The following KLHL1 variants were observed in gnomAD, a reference collection of about 807,000 sequenced individuals.
The protein encoded by KLHL1 is kelch-like protein 1.
KLHL1 carries 47 observed loss-of-function variants against 77.7 expected under a neutral mutation model. That is an observed-to-expected ratio of 0.60 (90% confidence interval 0.48 to 0.77). The LOEUF is 0.77. KLHL1 is among the 30% of genes least tolerant of loss of function. KLHL1 has a pLI of 0.00. For missense variants in KLHL1, 925 were observed against 910.8 expected (o/e 1.02, Z -0.20); for synonymous variants, 360 against 325.2 (o/e 1.11, Z -1.15).
intron 5 of KLHL1, among the ~76,000 whole-genome samples, chr13:69,880,668 C>T (rs1880953819): frequency 1.3e-5 from 2 of 152,092 alleles, no homozygotes; most frequent in Non-Finnish European, 2.9e-5. Flanking sequence ...ATGACATGCA[C>T]AGGTGGCAGC....
At chr13:69,754,966 A>G (rs566902679) in intron 7 of KLHL1, among the ~76,000 whole-genome samples, 14 of 152,204 alleles carry the variant, frequency 9.2e-5, no homozygotes, top group African/African-American at 3.1e-4. Flanking sequence ...TTCTTCCTGC[A>G]TCTATGACCC....
At chr13:69,903,372 G>A (rs116178158) in intron 4 of KLHL1, among the ~76,000 whole-genome samples, 220 of 152,134 alleles carry the variant, frequency 1.4e-3, no homozygotes, top group African/African-American at 4.5e-3. Context: ...CCACCAGAGC[G>A]CATCTGCCCC....
intron 1 of KLHL1, among the ~76,000 whole-genome samples, chr13:70,073,979 C>A (rs1300842097): frequency 6.6e-6 from 1 of 151,884 alleles, no homozygotes; most frequent in East Asian, 1.9e-4. Flanking sequence ...GCATGAGAAA[C>A]CACACCCGGC....
chr13:69,732,487 G>A (rs568949214), intron 8 of KLHL1, among the ~76,000 whole-genome samples: 1 of 152,060 alleles, frequency 6.6e-6, no homozygotes, highest in African/African-American at 2.4e-5. Context: ...TTGTCTCTCA[G>A]GTCTACATCC....
chr13:69,770,510 ATTTT>A (rs915908257), intron 7 of KLHL1, among the ~76,000 whole-genome samples: 1 of 152,108 alleles, frequency 6.6e-6, no homozygotes, highest in Non-Finnish European at 1.5e-5. Flanking sequence ...TATTTTTTAA[ATTTT>A]TTTGTTGAAA....
At chr13:70,009,546 C>T (rs961641777) in intron 1 of KLHL1, among the ~76,000 whole-genome samples, 2 of 152,076 alleles carry the variant, frequency 1.3e-5, no homozygotes, top group South Asian at 2.1e-4. Flanking sequence ...TATTCTACTA[C>T]CTTCCAGCGA....
intron 5 of KLHL1, among the ~76,000 whole-genome samples, chr13:69,854,387 C>A (rs1051117949): frequency 6.6e-6 from 1 of 151,892 alleles, no homozygotes; most frequent in African/African-American, 2.4e-5. Flanking sequence ...TAACATCCAG[C>A]TCTCCCAGGA....
At chr13:69,770,046 G>A (rs894314206) in intron 7 of KLHL1, among the ~76,000 whole-genome samples, 2 of 152,170 alleles carry the variant, frequency 1.3e-5, no homozygotes, top group African/African-American at 2.4e-5. Flanking sequence ...ACTGTGAACA[G>A]TGGGAATGAG....
At chr13:69,748,535 C>T (rs928266676) in intron 7 of KLHL1, among the ~76,000 whole-genome samples, 4 of 151,982 alleles carry the variant, frequency 2.6e-5, no homozygotes, top group African/African-American at 9.7e-5. Flanking sequence ...CCTCCCATAA[C>T]ATGTGAGAAT....
At chr13:69,735,379 A>G (rs1009689260) in intron 8 of KLHL1, among the ~76,000 whole-genome samples, 37 of 151,312 alleles carry the variant, frequency 2.4e-4, no homozygotes, top group African/African-American at 8.9e-4. Flanking sequence ...ACAACACAAT[A>G]AAAAGGAAAT....
chr13:69,841,941 GGACACC>G (rs1310375050), intron 5 of KLHL1, among the ~76,000 whole-genome samples: 1 of 151,806 alleles, frequency 6.6e-6, no homozygotes, highest in East Asian at 1.9e-4. Flanking sequence ...ACTTGGGAAA[GGACACC>G]CTCTTCAATA....
At chr13:69,977,792 AAAC>A (rs1884589119) in intron 1 of KLHL1, among the ~76,000 whole-genome samples, 1 of 152,280 alleles carries the variant, frequency 6.6e-6, no homozygotes, top group Admixed American at 6.5e-5. Flanking sequence ...AGTAAAGTGT[AAAC>A]AACAACAAAA....
chr13:69,983,576 C>CAAA (rs1282357751), intron 1 of KLHL1, among the ~76,000 whole-genome samples: 7 of 39,578 alleles, frequency 1.8e-4, no homozygotes, highest in South Asian at 9.1e-4. Flanking sequence ...CCTATCTTTA[C>CAAA]AAAAAAAAAA....
At chr13:69,773,288 A>T (rs1875665041) in intron 7 of KLHL1, among the ~76,000 whole-genome samples, 1 of 152,210 alleles carries the variant, frequency 6.6e-6, no homozygotes, top group Admixed American at 6.5e-5. Context: ...ATGTGTAATG[A>T]CATTTACTAT....
In KLHL1 at chr13:70,107,931, G is replaced by A. The variant is rs111575544; in HGVS notation, c.-232C>T. ...CGGGTCCGCAGGACCTGGGCGTGGG[G>A]ACACCACCAGGCAGGAGCAGAGGCA... is the stretch of plus-strand genomic sequence containing the variant. On this transcript the variant is annotated 5_prime_UTR_variant, in exon 1 of 11. Transcript: ENST00000377844. 1,526 of 493,264 alleles carry A rather than the reference G, an allele frequency of 3.1e-3. 21 individuals carry two copies. Among genetic ancestry groups the A allele is most frequent in the African/African-American group, 0.027 (1,402 of 51,214 alleles). The allele number at this position is 493,264 out of a possible 1,614,324, so 30.6% of individuals were successfully genotyped here.
intron 1 of KLHL1, among the ~76,000 whole-genome samples, chr13:70,076,142 T>C (rs1291936858): frequency 6.6e-6 from 1 of 151,864 alleles, no homozygotes; most frequent in Non-Finnish European, 1.5e-5. Context: ...TATTCTAAAG[T>C]TTATATGGAA....
chr13:69,950,125 A>G (rs2137253259), intron 3 of KLHL1, among the ~76,000 whole-genome samples: 1 of 151,824 alleles, frequency 6.6e-6, no homozygotes, highest in Non-Finnish European at 1.5e-5. Context: ...TCAGAGTTCA[A>G]GAGAAACTGT....
chr13:69,948,501 C>T (rs972803709), intron 3 of KLHL1, among the ~76,000 whole-genome samples: 3 of 151,846 alleles, frequency 2.0e-5, no homozygotes, highest in African/African-American at 2.4e-5. Context: ...GGGGACTAAA[C>T]GGGGAATACT....
intron 4 of KLHL1, among the ~76,000 whole-genome samples, chr13:69,922,617 A>G (rs1055172432): frequency 1.4e-4 from 22 of 152,176 alleles, no homozygotes; most frequent in African/African-American, 4.1e-4. Flanking sequence ...TCATTGGAAA[A>G]TGTATGATTT....
Sources: gnomAD v4.1 joint callset for allele counts (sites outside exome capture counted in the v4.1 genomes callset) on GRCh38, gnomAD v4.1.1 for gene constraint, MANE v1.5 for transcripts, NCBI Gene and HGNC (gene_info 2026-07-23, HGNC 2026-07-21) for gene names.